The following GMCL1 variants were observed in gnomAD, a reference collection of about 807,000 sequenced individuals.
The protein encoded by GMCL1 is germ cell-less 1, spermatogenesis associated.
GMCL1 carries 54 observed loss-of-function variants against 75.5 expected under a neutral mutation model. The ratio of observed to expected loss-of-function variants is 0.71; its 90% CI spans 0.57 to 0.90. The LOEUF (loss-of-function observed/expected upper bound fraction) is 0.90, where lower values mean the gene tolerates loss of function less well. Among genes scored for constraint, GMCL1 ranks in the 40% least tolerant of loss-of-function variants. GMCL1 has a pLI of 0.00. For missense variants in GMCL1, 537 were observed against 622.7 expected (o/e 0.86, Z 1.47); for synonymous variants, 210 against 209.6 (o/e 1.00, Z -0.02).
At chr2:69,844,310 A>G (rs1048866540) in intron 6 of GMCL1, 114 bp downstream of exon 6, 1 of 587,216 alleles carries the variant, frequency 1.7e-6, no homozygotes, top group Non-Finnish European at 3.0e-6. Context: ...AAAGCAAACA[A>G]TTTAATGAAA....
chr2:69,836,391 C>T (rs1027428190), intron 1 of GMCL1, among the ~76,000 whole-genome samples: 10 of 152,212 alleles, frequency 6.6e-5, no homozygotes, highest in Non-Finnish European at 1.5e-4. Context: ...TGTGTACATT[C>T]TGCCGTCAGG....
At chr2:69,856,650 T>G (rs922376185) in intron 9 of GMCL1, among the ~76,000 whole-genome samples, 19 of 145,194 alleles carry the variant, frequency 1.3e-4, no homozygotes, top group Admixed American at 4.8e-4. Flanking sequence ...CTTTTTTTTT[T>G]TTTTTTTTTT....
Position 69,864,892 on chromosome 2 carries a change from A to C in GMCL1, c.1143-8A>C, listed in dbSNP as rs891829469. ...CTATGAACGTTCATATTTTATGTAT[A>C]TTTTTAGGCCTCAAGAAATCAATAA... On this transcript the variant is annotated splice_region_variant and splice_polypyrimidine_tract_variant and intron_variant, in intron 10 of 13. Coordinates refer to ENST00000282570, the MANE Select transcript of GMCL1 (RefSeq NM_178439.5). The C allele has an allele frequency of 1.8e-5, 29 of 1,585,256 alleles. No homozygotes were observed. Among genetic ancestry groups the C allele is most frequent in the Non-Finnish European group, 2.4e-5 (28 of 1,155,272 alleles).
In GMCL1 at chr2:69,856,640, C is replaced by CT. The variant is rs34707640; in HGVS notation, c.1072+1708dup. On this transcript the variant is annotated intron_variant, in intron 9 of 13. Transcript: ENST00000282570. ...AACAAAATCTTCCATCTCTTCCCTC[C>CT]TTTTTTTTTTTTTTTTTTTTTTTTT... Among the ~76,000 whole-genome samples the CT allele has an allele frequency of 7.9e-3, 707 of 89,842 alleles. 15 individuals carry two copies. The highest frequency in any genetic ancestry group is 9.4e-3 in the Non-Finnish European group (422 of 44,780). The allele number at this position is 89,842 out of a possible 152,430, so 58.9% of individuals were successfully genotyped here.
chr2:69,835,723 G>A (rs924075464), intron 1 of GMCL1, among the ~76,000 whole-genome samples: 2 of 152,176 alleles, frequency 1.3e-5, no homozygotes, highest in African/African-American at 4.8e-5. Context: ...ACAACCTAAT[G>A]ATAGCAGATT....
intron 1 of GMCL1, among the ~76,000 whole-genome samples, chr2:69,832,761 T>C (rs866075375): frequency 4.6e-5 from 7 of 152,354 alleles, no homozygotes; most frequent in Middle Eastern, 3.4e-3. Flanking sequence ...TATTGAAATA[T>C]ATGTCACAGT....
At chr2:69,848,445 G>A (rs760885291) in intron 7 of GMCL1, among the ~76,000 whole-genome samples, 6 of 152,196 alleles carry the variant, frequency 3.9e-5, no homozygotes, top group Admixed American at 6.5e-5. Flanking sequence ...AGTGGCTTAC[G>A]CCTGTAATCC....
chr2:69,837,748 G>A (rs1674860185), intron 2 of GMCL1, 78 bp downstream of exon 2: 1 of 1,472,858 alleles, frequency 6.8e-7, no homozygotes. Context: ...GCACTTCACA[G>A]TAATCTTTTG....
chr2:69,874,535 C>T (rs1014381684), intron 13 of GMCL1, among the ~76,000 whole-genome samples: 11 of 151,938 alleles, frequency 7.2e-5, no homozygotes, highest in Non-Finnish European at 1.0e-4. Context: ...AGGTGTGAGC[C>T]ACCGCGCCTG....
At position 69,879,133 on chromosome 2, in the gene GMCL1, C is replaced by A; in HGVS notation, c.*129C>A. The A allele has an allele frequency of 1.6e-6, 1 of 629,910 alleles. No individual in the cohort carries two copies. Among genetic ancestry groups the A allele is most frequent in the Non-Finnish European group, 2.8e-6 (1 of 350,918 alleles). The allele number at this position is 629,910 out of a possible 1,614,324, so 39.0% of individuals were successfully genotyped here. A position where few individuals can be genotyped will look rare whatever the true frequency, so the allele number is the denominator to read the frequency against. On this transcript the variant is annotated 3_prime_UTR_variant, in exon 14 of 14. Transcript: ENST00000282570. Reference sequence around the variant, plus strand: ...TGATATTCACATCGAAGGTGACTAACAATGACAAAGGCCTTATGAACTGTA... The same window carrying A: ...TGATATTCACATCGAAGGTGACTAAAAATGACAAAGGCCTTATGAACTGTA...
At chr2:69,868,959 CAA>C (rs1047941759) in intron 11 of GMCL1, among the ~76,000 whole-genome samples, 2 of 138,320 alleles carry the variant, frequency 1.4e-5, no homozygotes, top group African/African-American at 2.7e-5. Flanking sequence ...ACTCAAAATA[CAA>C]AAAAAAAAGG....
At chr2:69,835,629 C>T (rs1359244598) in intron 1 of GMCL1, among the ~76,000 whole-genome samples, 1 of 152,102 alleles carries the variant, frequency 6.6e-6, no homozygotes, top group African/African-American at 2.4e-5. Flanking sequence ...CAGAGGTTCC[C>T]AAGCTTTCAT....
At chr2:69,837,757 T>C in intron 2 of GMCL1, 87 bp downstream of exon 2, 3 of 1,415,064 alleles carry the variant, frequency 2.1e-6, no homozygotes, top group Non-Finnish European at 2.9e-6. Flanking sequence ...AGTAATCTTT[T>C]GCATGAACAC....
chr2:69,864,788 A>G (rs900324451), intron 10 of GMCL1, 112 bp from the exon 11 acceptor site: 4 of 691,830 alleles, frequency 5.8e-6, no homozygotes, highest in Non-Finnish European at 9.8e-6. Context: ...CTGTACCACA[A>G]AAACTTATTT....
intron 13 of GMCL1, chr2:69,873,531 AT>A (rs1676042087): frequency 6.6e-6 from 1 of 151,930 alleles, no homozygotes; most frequent in South Asian, 2.1e-4. Flanking sequence ...TGAAAAACAT[AT>A]ATATTTAGAA....
intron 1 of GMCL1, among the ~76,000 whole-genome samples, chr2:69,832,718 A>G (rs958496481): frequency 3.3e-5 from 5 of 152,374 alleles, no homozygotes; most frequent in South Asian, 2.1e-4. Context: ...TAACCTTTCA[A>G]TTAGTAGTTA....
chr2:69,860,246 C>T (rs547886618), intron 9 of GMCL1, among the ~76,000 whole-genome samples: 11 of 152,248 alleles, frequency 7.2e-5, no homozygotes, highest in African/African-American at 2.6e-4. Context: ...CTACCTCAGC[C>T]TCCCAAAGTG....
At chr2:69,834,735 T>C (rs1573339017) in intron 1 of GMCL1, among the ~76,000 whole-genome samples, 1 of 152,350 alleles carries the variant, frequency 6.6e-6, no homozygotes, top group East Asian at 1.9e-4. Flanking sequence ...CCTTATAATC[T>C]GGAGACTCAT....
intron 6 of GMCL1, among the ~76,000 whole-genome samples, chr2:69,845,783 T>G (rs1413543989): frequency 1.3e-5 from 2 of 152,138 alleles, no homozygotes; most frequent in African/African-American, 4.8e-5. Context: ...TGGCTAGCAG[T>G]TAACTTTTGA....
Sources: gnomAD v4.1 joint callset for allele counts (sites outside exome capture counted in the v4.1 genomes callset) on GRCh38, gnomAD v4.1.1 for gene constraint, MANE v1.5 for transcripts, NCBI Gene and HGNC (gene_info 2026-07-23, HGNC 2026-07-21) for gene names.